DENND1A: variants seen among roughly 807,000 people sequenced by gnomAD.
DENND1A encodes the protein DENN domain-containing protein 1A.
DENND1A carries 51 observed loss-of-function variants against 113.7 expected under a neutral mutation model. The ratio of observed to expected loss-of-function variants is 0.45; its 90% confidence interval spans 0.36 to 0.57. DENND1A has a LOEUF of 0.57. Among genes scored for constraint, DENND1A ranks in the 20% least tolerant of loss-of-function variants. The pLI, the probability that DENND1A is intolerant of heterozygous loss-of-function variation, is 0.00. For missense variants in DENND1A, 1,258 were observed against 1,395.9 expected, an observed-to-expected ratio of 0.90 and a Z score of 1.57; for synonymous variants, 565 against 570.8, an observed-to-expected ratio of 0.99 and a Z score of 0.14.
chr9:123,633,610 A>C (rs1167846198), intron 9 of DENND1A, among the ~76,000 whole-genome samples: 2 of 152,110 alleles, frequency 1.3e-5, no homozygotes, highest in African/African-American at 4.8e-5. Flanking sequence ...CCCCATCTCT[A>C]CTAAAAATAC....
In DENND1A at chr9:123,403,504, A is replaced by C; in HGVS notation, c.1543-14T>G. On this transcript the variant is annotated splice_polypyrimidine_tract_variant and intron_variant, in intron 20 of 23. Coordinates refer to ENST00000394215, the MANE Select transcript of DENND1A (RefSeq NM_001352964.2). ...AGGTGGGCGCACCTAGAGGAGGTAC[A>C]GGGGGAGAGCCCCAAGAAGGAGTGA... 1.9e-6 allele frequency: 3 copies of C among 1,612,352 alleles called. No homozygotes were observed. The highest frequency in any genetic ancestry group is 2.5e-6 in the Non-Finnish European group (3 of 1,178,614).
At chr9:123,388,307 T>A (rs1466356022) in intron 21 of DENND1A, among the ~76,000 whole-genome samples, 1 of 152,212 alleles carries the variant, frequency 6.6e-6, no homozygotes, top group Non-Finnish European at 1.5e-5. Context: ...TTCGCTGTCA[T>A]CTGCTTATGG....
At chr9:123,758,049 T>C (rs2070726808) in intron 4 of DENND1A, among the ~76,000 whole-genome samples, 1 of 151,016 alleles carries the variant, frequency 6.6e-6, no homozygotes, top group Non-Finnish European at 1.5e-5. Context: ...TAATCAGAGC[T>C]ATCATACCTT....
chr9:123,768,795 A>G (rs1254363284), intron 4 of DENND1A, among the ~76,000 whole-genome samples: 1 of 143,060 alleles, frequency 7.0e-6, no homozygotes, highest in Non-Finnish European at 1.5e-5. Flanking sequence ...TAGTTTTATA[A>G]AGTAAAAAAA....
At chr9:123,600,973 G>C (rs2059913742) in intron 11 of DENND1A, among the ~76,000 whole-genome samples, 1 of 152,106 alleles carries the variant, frequency 6.6e-6, no homozygotes, top group Admixed American at 6.5e-5. Context: ...ACCTCAATCT[G>C]GCAGGAATTT....
intron 5 of DENND1A, among the ~76,000 whole-genome samples, chr9:123,752,433 G>C (rs991587949): frequency 6.6e-6 from 1 of 152,166 alleles, no homozygotes; most frequent in Non-Finnish European, 1.5e-5. Flanking sequence ...AGTTTTATTT[G>C]GGTGTAAGGA....
chr9:123,382,858 A>T (rs903651226), intron 23 of DENND1A, among the ~76,000 whole-genome samples: 1 of 152,242 alleles, frequency 6.6e-6, no homozygotes, highest in Non-Finnish European at 1.5e-5. Flanking sequence ...TCGTCCCTTT[A>T]TGCCAGTGGC....
chr9:123,618,301 C>T lies in DENND1A; in HGVS notation c.720-8820G>A, dbSNP rs75413181. On this transcript the variant is annotated intron_variant, in intron 10 of 23. Coordinates refer to ENST00000394215, the MANE Select transcript of DENND1A (RefSeq NM_001352964.2). ...GCTCCCAGGAACATATCTAGAGTGT[C>T]GTTGCTATAGAGCCCCCTATACTGT... Among the ~76,000 whole-genome samples, 17 of 152,322 alleles carry T rather than the reference C, an allele frequency of 1.1e-4. No individual in the cohort carries two copies. The East Asian group carries it at 2.9e-3, about 26-fold the overall frequency.
At chr9:123,681,661 C>T (rs2064470010) in intron 5 of DENND1A, among the ~76,000 whole-genome samples, 1 of 152,020 alleles carries the variant, frequency 6.6e-6, no homozygotes, top group Admixed American at 6.6e-5. Context: ...AACTGTGGGG[C>T]ATCATGATGT....
At chr9:123,901,922 T>G (rs995068245) in intron 1 of DENND1A, among the ~76,000 whole-genome samples, 1 of 151,882 alleles carries the variant, frequency 6.6e-6, no homozygotes, top group East Asian at 1.9e-4. Flanking sequence ...AGGAGAATGG[T>G]GTGAACCCGG....
At chr9:123,570,999 A>G (rs190608647) in intron 12 of DENND1A, among the ~76,000 whole-genome samples, 282 of 152,326 alleles carry the variant, frequency 1.9e-3, no homozygotes, top group African/African-American at 6.3e-3. Flanking sequence ...GGAACAATGC[A>G]ATATTGTCAG....
At chr9:123,879,351 A>T (rs1200619804) in intron 1 of DENND1A, among the ~76,000 whole-genome samples, 1 of 151,992 alleles carries the variant, frequency 6.6e-6, no homozygotes, top group Non-Finnish European at 1.5e-5. Flanking sequence ...TGGGCAATAT[A>T]GCAAAACCCT....
chr9:123,400,466 T>A (rs1455271010), intron 21 of DENND1A: 1 of 152,144 alleles, frequency 6.6e-6, no homozygotes, highest in Non-Finnish European at 1.5e-5. Context: ...ACTTCAGGGG[T>A]GGACTGGCCA....
chr9:123,824,301 C>T (rs1838968997), intron 2 of DENND1A, among the ~76,000 whole-genome samples: 1 of 152,114 alleles, frequency 6.6e-6, no homozygotes, highest in South Asian at 2.1e-4. Context: ...CACTCAAATC[C>T]AGAGTGGGGT....
At chr9:123,425,395 C>A (rs190325099) in intron 19 of DENND1A, among the ~76,000 whole-genome samples, 3 of 152,376 alleles carry the variant, frequency 2.0e-5, no homozygotes, top group South Asian at 4.1e-4. Context: ...GAAGGTGGAG[C>A]CTTGGGGGAC....
At chr9:123,688,261 T>C (rs1040573164) in intron 5 of DENND1A, among the ~76,000 whole-genome samples, 5 of 152,108 alleles carry the variant, frequency 3.3e-5, no homozygotes, top group Non-Finnish European at 7.3e-5. Flanking sequence ...TACTAGTAAG[T>C]ACTTTTCTGG....
intron 11 of DENND1A, among the ~76,000 whole-genome samples, chr9:123,594,036 C>T (rs998150603): frequency 6.6e-6 from 1 of 152,194 alleles, no homozygotes; most frequent in African/African-American, 2.4e-5. Flanking sequence ...TTCCTGGGGC[C>T]TCCCCAGCCA....
intron 2 of DENND1A, among the ~76,000 whole-genome samples, chr9:123,861,451 C>A (rs1247641213): frequency 6.6e-6 from 1 of 152,172 alleles, no homozygotes; most frequent in Non-Finnish European, 1.5e-5. Flanking sequence ...GCGGCCTTCC[C>A]CTTTTTCTGT....
At chr9:123,862,706 C>T (rs1039747520) in intron 2 of DENND1A, among the ~76,000 whole-genome samples, 1 of 152,102 alleles carries the variant, frequency 6.6e-6, no homozygotes, top group Non-Finnish European at 1.5e-5. Flanking sequence ...CTCTACCTTC[C>T]TTCCCATCCA....
Sources: gnomAD v4.1 joint callset for allele counts (sites outside exome capture counted in the v4.1 genomes callset) on GRCh38, gnomAD v4.1.1 for gene constraint, MANE v1.5 for transcripts, NCBI Gene and HGNC (gene_info 2026-07-23, HGNC 2026-07-21) for gene names.